The following GNA14 variants were observed in gnomAD, a reference collection of about 807,000 sequenced individuals.
The protein encoded by GNA14 is guanine nucleotide-binding protein subunit alpha-14.
In GNA14, 50 loss-of-function variants were observed where a neutral mutation model predicts 42.0. That is an observed-to-expected ratio of 1.19 (90% CI 0.95 to 1.51). The LOEUF is 1.51. Among genes scored for constraint, GNA14 ranks in the 40% most tolerant of loss-of-function variants. GNA14 has a pLI of 0.00. For synonymous variants in GNA14, 173 were observed against 163.1 expected, an observed-to-expected ratio of 1.06 and a Z score of -0.46; for missense variants, 473 against 446.2, an observed-to-expected ratio of 1.06 and a Z score of -0.54.
intron 1 of GNA14, among the ~76,000 whole-genome samples, chr9:77,583,756 T>G (rs1293888394): frequency 1.3e-5 from 2 of 152,130 alleles, no homozygotes; most frequent in Non-Finnish European, 2.9e-5. Context: ...CCTGGGGATC[T>G]TGTTAAAAAT....
chr9:77,567,643 G>T (rs988170127), intron 1 of GNA14, among the ~76,000 whole-genome samples: 19 of 152,254 alleles, frequency 1.2e-4, no homozygotes, highest in African/African-American at 4.1e-4. Context: ...GAGGTGGATG[G>T]ATCACCTGAG....
chr9:77,602,640 C>A (rs1823585386), intron 1 of GNA14, among the ~76,000 whole-genome samples: 1 of 152,164 alleles, frequency 6.6e-6, no homozygotes, highest in East Asian at 1.9e-4. Context: ...ACTTACAAAG[C>A]AACCTTGTTC....
chr9:77,618,542 A>T (rs1823858648), intron 1 of GNA14, among the ~76,000 whole-genome samples: 1 of 135,852 alleles, frequency 7.4e-6, no homozygotes, highest in Admixed American at 7.7e-5. Flanking sequence ...TCTCACTGAA[A>T]ATTTTCATTG....
chr9:77,541,139 G>A (rs1837655981), intron 1 of GNA14, among the ~76,000 whole-genome samples: 1 of 152,004 alleles, frequency 6.6e-6, no homozygotes, highest in South Asian at 2.1e-4. Flanking sequence ...ATATTCTCGT[G>A]TGTTTTCATG....
chr9:77,488,842 A>G (rs1836706472), intron 2 of GNA14, among the ~76,000 whole-genome samples: 1 of 151,788 alleles, frequency 6.6e-6, no homozygotes, highest in African/African-American at 2.4e-5. Context: ...ACTGGAATTA[A>G]TAACTAATCC....
intron 2 of GNA14, among the ~76,000 whole-genome samples, chr9:77,464,279 G>A (rs941345079): frequency 6.6e-6 from 1 of 152,036 alleles, no homozygotes; most frequent in Non-Finnish European, 1.5e-5. Flanking sequence ...GGGATTACAG[G>A]CATGAGCCAC....
chr9:77,447,303 C>T (rs1287144719), intron 2 of GNA14, among the ~76,000 whole-genome samples: 1 of 152,168 alleles, frequency 6.6e-6, no homozygotes, highest in Non-Finnish European at 1.5e-5. Context: ...TGCCACCCTA[C>T]CTCACAGTGA....
At chr9:77,438,944 T>G (rs1330964594) in intron 2 of GNA14, among the ~76,000 whole-genome samples, 1 of 152,202 alleles carries the variant, frequency 6.6e-6, no homozygotes, top group African/African-American at 2.4e-5. Flanking sequence ...TTATTAAAAA[T>G]TACTCATCTT....
intron 2 of GNA14, among the ~76,000 whole-genome samples, chr9:77,488,778 C>A (rs1450368137): frequency 8.4e-6 from 1 of 119,350 alleles, no homozygotes; most frequent in Non-Finnish European, 1.6e-5. Flanking sequence ...AGCAAACACA[C>A]CTAATTAAAA....
intron 1 of GNA14, among the ~76,000 whole-genome samples, chr9:77,576,219 AAGAG>A (rs762721692): frequency 6.6e-6 from 1 of 152,148 alleles, no homozygotes; most frequent in Non-Finnish European, 1.5e-5. Flanking sequence ...GGTCAGGGAG[AAGAG>A]AAAGACGTTG....
At chr9:77,643,992 A>G (rs1452156039) in intron 1 of GNA14, among the ~76,000 whole-genome samples, 1 of 152,142 alleles carries the variant, frequency 6.6e-6, no homozygotes, top group Non-Finnish European at 1.5e-5. Flanking sequence ...AAGAATCTAC[A>G]TTTTTCATCT....
In GNA14 at chr9:77,498,111, C is replaced by G. The variant is rs192211741; in HGVS notation, c.309+30958G>C. On this transcript the variant is annotated intron_variant, in intron 2 of 6. Transcript: ENST00000341700. Reference sequence around the variant, plus strand: ...AAGCTGTGTCGGGCTCAGTGGCTCACGCCTGTAATCCCAGCACTTTGGGAA... The same window carrying G: ...AAGCTGTGTCGGGCTCAGTGGCTCAGGCCTGTAATCCCAGCACTTTGGGAA... Among the ~76,000 whole-genome samples, 808 of 152,230 alleles carry G rather than the reference C, an allele frequency of 5.3e-3. 4 individuals carry two copies. The highest frequency in any genetic ancestry group is 9.6e-3 in the Non-Finnish European group (654 of 68,018).
At chr9:77,553,624 C>G (rs944216502) in intron 1 of GNA14, among the ~76,000 whole-genome samples, 8 of 151,776 alleles carry the variant, frequency 5.3e-5, no homozygotes, top group Admixed American at 4.6e-4. Context: ...GCAAGAGGGG[C>G]AAATTGACAA....
intron 1 of GNA14, among the ~76,000 whole-genome samples, chr9:77,617,785 G>C (rs1823847374): frequency 6.6e-6 from 1 of 151,850 alleles, no homozygotes; most frequent in Non-Finnish European, 1.5e-5. Flanking sequence ...TCCACCTCAG[G>C]CTGTCTCCCC....
intron 2 of GNA14, among the ~76,000 whole-genome samples, chr9:77,476,737 T>C (rs1307189582): frequency 6.6e-6 from 1 of 151,952 alleles, no homozygotes; most frequent in African/African-American, 2.4e-5. Flanking sequence ...TTTGAGAAAA[T>C]GGAAAAGAGA....
chr9:77,518,166 G>A (rs1837291627), intron 2 of GNA14: 5 of 152,094 alleles, frequency 3.3e-5, no homozygotes. Flanking sequence ...AATGGAGGAA[G>A]GGAATAAAAA....
chr9:77,467,401 T>G (rs1441565543), intron 2 of GNA14, among the ~76,000 whole-genome samples: 1 of 151,978 alleles, frequency 6.6e-6, no homozygotes, highest in African/African-American at 2.4e-5. Context: ...TGATTGTTCC[T>G]GAGTGAATAC....
intron 1 of GNA14, among the ~76,000 whole-genome samples, chr9:77,558,586 A>G (rs1372358080): frequency 2.0e-5 from 3 of 152,202 alleles, no homozygotes; most frequent in Non-Finnish European, 4.4e-5. Context: ...ACATCTAACC[A>G]CAATGACAGC....
At chr9:77,447,660 G>C (rs1285618598) in intron 2 of GNA14, among the ~76,000 whole-genome samples, 1 of 152,034 alleles carries the variant, frequency 6.6e-6, no homozygotes, top group Non-Finnish European at 1.5e-5. Context: ...AGTTATTCAG[G>C]GATCCAGGCT....
Sources: allele counts gnomAD v4.1 joint callset (sites outside exome capture counted in the v4.1 genomes callset), GRCh38; gene constraint gnomAD v4.1.1; transcripts MANE v1.5; gene names NCBI Gene and HGNC (gene_info 2026-07-23, HGNC 2026-07-21).